PHF14: variants seen among roughly 807,000 people sequenced by gnomAD.
PHF14 encodes PHD finger protein 14.
Under a neutral mutation model 117.9 loss-of-function variants are expected in PHF14, and 55 were observed. The observed-to-expected ratio is 0.47, with a 90% CI of 0.38 to 0.58. The LOEUF (loss-of-function observed/expected upper bound fraction) is 0.58, where lower values mean the gene tolerates loss of function less well. PHF14 is among the 20% of genes least tolerant of loss of function. PHF14 has a pLI of 0.00. For missense variants in PHF14, 978 were observed against 1,122.2 expected (o/e 0.87, Z 1.84); for synonymous variants, 409 against 368.6 (o/e 1.11, Z -1.26).
chr7:11,056,099 C>G (rs1370832996), intron 14 of PHF14, among the ~76,000 whole-genome samples: 1 of 151,970 alleles, frequency 6.6e-6, no homozygotes, highest in African/African-American at 2.4e-5. Flanking sequence ...TAGAAGAAAC[C>G]CTGGCAAACA....
At chr7:11,006,781 T>A in intron 4 of PHF14, 1 of 798,076 alleles carries the variant, frequency 1.3e-6, no homozygotes, top group Non-Finnish European at 2.1e-6. Context: ...TGTGGACACC[T>A]TTCAACACTG....
intron 16 of PHF14, chr7:11,108,501 T>A (rs1377667130): frequency 6.6e-6 from 1 of 151,752 alleles, no homozygotes; most frequent in African/African-American, 2.4e-5. Context: ...AAGCAAATTC[T>A]TTTTCCTTTG....
intron 14 of PHF14, among the ~76,000 whole-genome samples, chr7:11,060,024 C>G (rs1452820645): frequency 6.6e-6 from 1 of 152,070 alleles, no homozygotes; most frequent in Non-Finnish European, 1.5e-5. Context: ...GCACTCACAA[C>G]CATGCCTAGC....
At position 11,109,759 on chromosome 7, in the gene PHF14, A is replaced by G. The variant is rs1005047476; in HGVS notation, c.2655-1591A>G. 6.6e-5 allele frequency: 10 copies of G among 152,014 alleles called. No homozygotes were observed. The East Asian group carries it at 1.7e-3, about 26-fold the overall frequency. The allele number at this position is 152,014 out of a possible 1,614,324, so 9.4% of individuals were successfully genotyped here. A position where few individuals can be genotyped will look rare whatever the true frequency, so the allele number is the denominator to read the frequency against. ...TTGAACATTTTAACTGCTTTTAAAT[A>G]TATTTTTAGATGTGTGATATTGTCA... is the stretch of plus-strand genomic sequence containing the variant. On this transcript the variant is annotated intron_variant, in intron 16 of 17. Coordinates refer to ENST00000634607, the MANE Select transcript of PHF14 (RefSeq NM_001007157.2).
At chr7:10,998,472 C>G (rs1782743645) in intron 4 of PHF14, among the ~76,000 whole-genome samples, 1 of 151,790 alleles carries the variant, frequency 6.6e-6, no homozygotes, top group African/African-American at 2.4e-5. Flanking sequence ...ACATACACAG[C>G]AATAAGACCA....
chr7:11,018,246 C>A (rs912816255), intron 5 of PHF14, among the ~76,000 whole-genome samples: 6 of 151,870 alleles, frequency 4.0e-5, no homozygotes, highest in African/African-American at 1.5e-4. Context: ...TTTGTGGTTC[C>A]GTATACATTT....
At chr7:11,013,633 C>A in intron 4 of PHF14, 114 bp from the exon 5 acceptor site, 4 of 544,684 alleles carry the variant, frequency 7.3e-6, no homozygotes, top group African/African-American at 1.9e-5. Flanking sequence ...TCTTATAAAC[C>A]ATTGGTGTTT....
chr7:11,001,514 T>C (rs12669769), intron 4 of PHF14, among the ~76,000 whole-genome samples: 2,139 of 152,304 alleles, frequency 0.014, 50 homozygotes, highest in East Asian at 0.1. Flanking sequence ...TATTGAGCTT[T>C]TTTATTCATG....
intron 4 of PHF14, among the ~76,000 whole-genome samples, chr7:11,002,141 T>C (rs1782900739): frequency 6.6e-6 from 1 of 151,890 alleles, no homozygotes; most frequent in Non-Finnish European, 1.5e-5. Flanking sequence ...ACCTCCTGAG[T>C]TCAAGTGATT....
At chr7:11,095,434 G>A (rs1375651236) in intron 16 of PHF14, among the ~76,000 whole-genome samples, 1 of 152,078 alleles carries the variant, frequency 6.6e-6, no homozygotes, top group Non-Finnish European at 1.5e-5. Flanking sequence ...GATATGATGG[G>A]TCTTTATTCT....
chr7:11,151,141 T>A lies in PHF14; in HGVS notation c.2773-18275T>A, dbSNP rs935331513. ...TTTCTGAGTAATTGTTGAACATGTA[T>A]ATTATGAGAAATAGCACTTTGTAAA... On this transcript the variant is annotated intron_variant, in intron 17 of 17. Transcript: ENST00000634607. 4.3e-4 allele frequency among the ~76,000 whole-genome samples: 65 copies of A among 152,320 alleles called. 1 individual carries two copies. The highest frequency in any genetic ancestry group is 1.6e-3 in the African/African-American group (65 of 41,578).
intron 16 of PHF14, among the ~76,000 whole-genome samples, chr7:11,072,993 A>G (rs192535856): frequency 1.3e-5 from 2 of 152,336 alleles, no homozygotes; most frequent in Admixed American, 6.5e-5. Flanking sequence ...CCTGTGGTCC[A>G]AACACCTCCC....
chr7:11,087,694 T>G (rs1446742309), intron 16 of PHF14, among the ~76,000 whole-genome samples: 1 of 152,168 alleles, frequency 6.6e-6, no homozygotes, highest in Non-Finnish European at 1.5e-5. Flanking sequence ...GTCTTCTCAC[T>G]TAATAATCTC....
intron 3 of PHF14, among the ~76,000 whole-genome samples, chr7:10,989,126 A>G (rs1400841792): frequency 6.6e-6 from 1 of 152,220 alleles, no homozygotes; most frequent in Non-Finnish European, 1.5e-5. Flanking sequence ...AAATACTAGA[A>G]TTCTAAAGAG....
intron 17 of PHF14, among the ~76,000 whole-genome samples, chr7:11,164,665 A>T (rs1789148087): frequency 6.6e-6 from 1 of 152,172 alleles, no homozygotes; most frequent in Non-Finnish European, 1.5e-5. Context: ...GAAAATTTGC[A>T]AAAATAGTGT....
intron 17 of PHF14, among the ~76,000 whole-genome samples, chr7:11,140,955 A>G (rs1377638077): frequency 6.6e-6 from 1 of 152,122 alleles, no homozygotes; most frequent in Non-Finnish European, 1.5e-5. Flanking sequence ...TGTTTTAGGT[A>G]ACTTCCTTTT....
intron 4 of PHF14, among the ~76,000 whole-genome samples, chr7:10,992,849 G>A (rs766912799): frequency 6.6e-6 from 1 of 152,040 alleles, no homozygotes; most frequent in African/African-American, 2.4e-5. Flanking sequence ...GCATTTAATC[G>A]TCATGTCTGT....
intron 4 of PHF14, among the ~76,000 whole-genome samples, chr7:11,001,193 T>G (rs1782860003): frequency 6.6e-6 from 1 of 152,208 alleles, no homozygotes; most frequent in African/African-American, 2.4e-5. Flanking sequence ...TTGTCAAAGA[T>G]CAGTTGACTA....
At chr7:11,009,726 A>C (rs1412935662) in intron 4 of PHF14, among the ~76,000 whole-genome samples, 1 of 152,174 alleles carries the variant, frequency 6.6e-6, no homozygotes, top group South Asian at 2.1e-4. Flanking sequence ...CAAGTAAAGA[A>C]CTCTATAAAG....
Sources: allele counts gnomAD v4.1 joint callset (sites outside exome capture counted in the v4.1 genomes callset), GRCh38; gene constraint gnomAD v4.1.1; transcripts MANE v1.5; gene names NCBI Gene and HGNC (gene_info 2026-07-23, HGNC 2026-07-21).